Variants in MTUS2 observed in about 807,000 individuals in gnomAD.
MTUS2 encodes microtubule associated scaffold protein 2, also known as microtubule-associated tumor suppressor candidate 2.
Under a neutral mutation model 114.1 loss-of-function variants are expected in MTUS2, and 40 were observed. The observed-to-expected ratio is 0.35, with a 90% CI of 0.27 to 0.46. MTUS2 has a LOEUF of 0.46. Ranked by LOEUF, MTUS2 falls within the 20% of genes least tolerant of loss-of-function variation. MTUS2 has a pLI of 1.00. For missense variants in MTUS2, 1,679 were observed against 1,705.4 expected, an observed-to-expected ratio of 0.98 and a Z score of 0.27; for synonymous variants, 688 against 672.0, an observed-to-expected ratio of 1.02 and a Z score of -0.37.
chr13:29,353,845 T>A (rs1260386360), intron 7 of MTUS2, among the ~76,000 whole-genome samples: 1 of 152,192 alleles, frequency 6.6e-6, no homozygotes, highest in Admixed American at 6.5e-5. Flanking sequence ...GGACTCTAAG[T>A]ATTGTCCCAC....
rs199606656 is a variant in MTUS2, at chr13:28,939,732, AAAAC to A, written c.-242-84717_-242-84714del. On this transcript the variant is annotated intron_variant, in intron 2 of 15. Coordinates refer to ENST00000612955, the MANE Select transcript of MTUS2 (RefSeq NM_001033602.4). ...CTGCTGAAAAAACTAGGAAAGGTGAAAAACAAACAAAAAAAAAACTAAGAGAACG... is the reference window on the plus strand; with the variant it reads ...CTGCTGAAAAAACTAGGAAAGGTGAAAAACAAAAAAAAAACTAAGAGAACG... Among the ~76,000 whole-genome samples, 849 of 152,268 alleles carry A rather than the reference AAAAC, an allele frequency of 5.6e-3. 4 individuals are homozygous for A. The highest frequency in any genetic ancestry group is 0.046 in the East Asian group (239 of 5,186).
intron 6 of MTUS2, among the ~76,000 whole-genome samples, chr13:29,305,641 AT>A (rs1192315302): frequency 1.3e-5 from 2 of 152,212 alleles, no homozygotes; most frequent in Non-Finnish European, 2.9e-5. Context: ...TGAGGCAGTA[AT>A]AAATAGCCTA....
At chr13:28,822,521 G>A (rs919799233) in intron 1 of MTUS2, among the ~76,000 whole-genome samples, 4 of 152,198 alleles carry the variant, frequency 2.6e-5, no homozygotes, top group African/African-American at 9.7e-5. Context: ...TTTGAATGCT[G>A]TGGCAGAAAC....
chr13:29,055,772 C>T (rs1001335050), intron 4 of MTUS2, among the ~76,000 whole-genome samples: 1 of 152,028 alleles, frequency 6.6e-6, no homozygotes, highest in Non-Finnish European at 1.5e-5. Flanking sequence ...GATGGTAGTT[C>T]ATTGTGGTTT....
chr13:28,826,912 C>T (rs1177297276), intron 1 of MTUS2, among the ~76,000 whole-genome samples: 4 of 152,194 alleles, frequency 2.6e-5, no homozygotes, highest in Non-Finnish European at 5.9e-5. Context: ...TTAATATGAA[C>T]ACTAGCTCTG....
intron 12 of MTUS2, among the ~76,000 whole-genome samples, chr13:29,493,050 A>AG (rs1882303077): frequency 6.6e-6 from 1 of 152,172 alleles, no homozygotes; most frequent in African/African-American, 2.4e-5. Flanking sequence ...AAGCAAGAGG[A>AG]GGACTGGGGG....
chr13:29,027,898 C>T (rs1285669492), intron 3 of MTUS2, among the ~76,000 whole-genome samples: 1 of 152,168 alleles, frequency 6.6e-6, no homozygotes, highest in South Asian at 2.1e-4. Context: ...TTAAGTCACC[C>T]ACCACAAAGG....
chr13:29,159,292 T>C (rs1892997101), intron 5 of MTUS2, among the ~76,000 whole-genome samples: 2 of 152,184 alleles, frequency 1.3e-5, no homozygotes, highest in South Asian at 2.1e-4. Flanking sequence ...TTTGGACTTA[T>C]TTTAATATTC....
chr13:28,888,358 A>T (rs1042443615), intron 2 of MTUS2, among the ~76,000 whole-genome samples: 1 of 152,082 alleles, frequency 6.6e-6, no homozygotes, highest in Non-Finnish European at 1.5e-5. Context: ...GTGATGCCTC[A>T]TACAGAATGA....
At chr13:28,858,930 C>G (rs2138058254) in intron 2 of MTUS2, among the ~76,000 whole-genome samples, 1 of 152,242 alleles carries the variant, frequency 6.6e-6, no homozygotes. Context: ...ACTCCCTGAA[C>G]TGAGCTGCCA....
At chr13:28,972,623 T>C (rs1319609614) in intron 2 of MTUS2, among the ~76,000 whole-genome samples, 1 of 152,216 alleles carries the variant, frequency 6.6e-6, no homozygotes, top group African/African-American at 2.4e-5. Context: ...AAAACCTAAA[T>C]ACTAATGTCG....
At chr13:28,962,061 A>G (rs1328654569) in intron 2 of MTUS2, among the ~76,000 whole-genome samples, 1 of 151,350 alleles carries the variant, frequency 6.6e-6, no homozygotes, top group East Asian at 1.9e-4. Context: ...ATTTATACAT[A>G]TAAAGAGATT....
At chr13:29,162,738 C>T (rs534446411) in intron 5 of MTUS2, among the ~76,000 whole-genome samples, 38 of 152,314 alleles carry the variant, frequency 2.5e-4, no homozygotes, top group African/African-American at 7.0e-4. Context: ...TCAGAGCATC[C>T]GTGCACTTGC....
intron 7 of MTUS2, among the ~76,000 whole-genome samples, chr13:29,356,736 C>T (rs886252392): frequency 3.3e-5 from 5 of 152,190 alleles, no homozygotes; most frequent in African/African-American, 1.2e-4. Context: ...TAGAGAATGG[C>T]AGGACCCTTT....
At chr13:29,497,596 C>T in intron 13 of MTUS2, 2 of 515,256 alleles carry the variant, frequency 3.9e-6, no homozygotes, top group South Asian at 2.2e-5. Flanking sequence ...AGTCGTGGGG[C>T]TCCTATGATA....
At chr13:29,258,510 C>T (rs939856589) in intron 5 of MTUS2, among the ~76,000 whole-genome samples, 2 of 152,220 alleles carry the variant, frequency 1.3e-5, no homozygotes, top group Non-Finnish European at 2.9e-5. Flanking sequence ...GTCTTGGATT[C>T]TGCAGGGTGT....
At chr13:28,843,553 T>C (rs982963822) in intron 2 of MTUS2, among the ~76,000 whole-genome samples, 1 of 152,152 alleles carries the variant, frequency 6.6e-6, no homozygotes, top group Non-Finnish European at 1.5e-5. Context: ...AGAATTTTAG[T>C]ATGTTGGTTA....
intron 2 of MTUS2, among the ~76,000 whole-genome samples, chr13:28,932,730 C>A (rs999880609): frequency 3.3e-5 from 5 of 152,164 alleles, no homozygotes; most frequent in Admixed American, 3.3e-4. Context: ...TTATAAGCCA[C>A]TGAGATTTTG....
At chr13:29,312,359 T>C (rs1899808670) in intron 6 of MTUS2, among the ~76,000 whole-genome samples, 1 of 152,194 alleles carries the variant, frequency 6.6e-6, no homozygotes, top group African/African-American at 2.4e-5. Context: ...GATAAATGAA[T>C]GAATAAAGGA....
Sources: allele counts gnomAD v4.1 joint callset (sites outside exome capture counted in the v4.1 genomes callset), GRCh38; gene constraint gnomAD v4.1.1; transcripts MANE v1.5; gene names NCBI Gene and HGNC (gene_info 2026-07-23, HGNC 2026-07-21).